KLK5: variants seen among roughly 807,000 people sequenced by gnomAD.
KLK5 encodes the protein kallikrein related peptidase 5.
In KLK5, 18 loss-of-function variants were observed where a neutral mutation model predicts 24.0. The observed-to-expected ratio is 0.75, with a 90% CI of 0.52 to 1.11. KLK5 has a LOEUF of 1.11. Ranked by LOEUF, KLK5 falls within the 50% of genes most tolerant of loss-of-function variation. KLK5 has a pLI of 0.00. For synonymous variants in KLK5, 140 were observed against 154.0 expected (o/e 0.91, Z 0.67); for missense variants, 374 against 379.2 (o/e 0.99, Z 0.11).
At chr19:50,944,718 A>G (rs1241230622) in intron 5 of KLK5, among the ~76,000 whole-genome samples, 1 of 152,202 alleles carries the variant, frequency 6.6e-6, no homozygotes, top group African/African-American at 2.4e-5. Context: ...CACACTTGGC[A>G]TCTATCCATT....
intron 3 of KLK5, 75 bp downstream of exon 3, chr19:50,949,780 C>T (rs199781761): frequency 1.4e-4 from 27 of 188,788 alleles, no homozygotes; most frequent in African/African-American, 7.8e-4. Context: ...CTCCATGACA[C>T]CCCCACCCCC....
At position 50,948,858 on chromosome 19, in the gene KLK5, C is replaced by T; in HGVS notation, c.592+1G>A. 2 of 1,614,088 alleles carry T rather than the reference C, an allele frequency of 1.2e-6. No homozygotes were observed. Among genetic ancestry groups the T allele is most frequent in the South Asian group, 1.1e-5 (1 of 91,072 alleles). On this transcript the variant is annotated splice_donor_variant, in intron 4 of 5. Coordinates refer to ENST00000336334, the MANE Select transcript of KLK5 (RefSeq NM_012427.5). LOFTEE classifies it high-confidence loss of function. The stretch of plus-strand genomic sequence containing the variant: ...GTATCAAGAAGAACCTGGACACTCA[C>T]CTTGGGGGCTCTTGGTTGTCCCCCA...
chr19:50,950,450 G>A, intron 2 of KLK5: 1 of 407,542 alleles, frequency 2.5e-6, no homozygotes, highest in South Asian at 2.6e-5. Context: ...GGGGATGGGA[G>A]GGAGACCAGG....
chr19:50,949,458 T>C (rs2090664539), intron 3 of KLK5, among the ~76,000 whole-genome samples: 1 of 151,178 alleles, frequency 6.6e-6, no homozygotes, highest in Admixed American at 6.6e-5. Flanking sequence ...GCTATCTTCA[T>C]TTCCACCCCA....
chr19:50,949,314 C>T (rs2090663684), intron 3 of KLK5, among the ~76,000 whole-genome samples, 199 bp from the exon 4 acceptor site: 1 of 151,068 alleles, frequency 6.6e-6, no homozygotes, highest in African/African-American at 2.4e-5. Flanking sequence ...ATTCCCAACC[C>T]TAATTCTTTC....
chr19:50,946,869 T>C (rs2090640578), intron 5 of KLK5, among the ~76,000 whole-genome samples: 1 of 152,062 alleles, frequency 6.6e-6, no homozygotes, highest in Non-Finnish European at 1.5e-5. Flanking sequence ...GAGATGTGCT[T>C]TCTTCTGTTA....
chr19:50,950,576 A>G (rs1568529722), intron 2 of KLK5, among the ~76,000 whole-genome samples: 1 of 152,012 alleles, frequency 6.6e-6, no homozygotes, highest in Admixed American at 6.6e-5. Context: ...TCAGGGTTAC[A>G]TGTTAGAGTC....
At chr19:50,950,838 GC>G (rs2123577646) in intron 2 of KLK5, among the ~76,000 whole-genome samples, 1 of 143,934 alleles carries the variant, frequency 6.9e-6, no homozygotes, top group South Asian at 2.3e-4. Context: ...GTTGCAGTGA[GC>G]CGAGATCACG....
Position 50,952,937 on chromosome 19 carries a change from AG to A in KLK5, c.-203del. The A allele has an allele frequency of 3.2e-6, 1 of 312,736 alleles. No homozygotes were observed. Among genetic ancestry groups the A allele is most frequent in the Non-Finnish European group, 5.9e-6 (1 of 170,820 alleles). 19.4% of individuals were successfully genotyped at this position (312,736 alleles called of 1,614,324 possible). A position where few individuals can be genotyped will look rare whatever the true frequency, so the allele number is the denominator to read the frequency against. ...CCCTGCCTGCTGAGCCACCCTCACC[AG>A]GTCTCACTTGCCCTGTCCCCCAGGT... On this transcript the variant is annotated 5_prime_UTR_variant, in exon 1 of 6. Coordinates refer to ENST00000336334, the MANE Select transcript of KLK5 (RefSeq NM_012427.5).
intron 5 of KLK5, among the ~76,000 whole-genome samples, chr19:50,948,298 T>G (rs2090652772): frequency 1.3e-5 from 2 of 151,378 alleles, no homozygotes; most frequent in South Asian, 2.1e-4. Flanking sequence ...ATTTTTGTAT[T>G]TTTTTTTAGA....
intron 3 of KLK5, 136 bp from the exon 4 acceptor site, chr19:50,949,251 G>T (rs1334463234): frequency 2.6e-5 from 19 of 740,660 alleles, no homozygotes; most frequent in South Asian, 2.4e-4. Flanking sequence ...ACTCCCTCTT[G>T]GTCTCCAATC....
chr19:50,948,575 C>T (rs910868544), intron 5 of KLK5, 65 bp downstream of exon 5: 4 of 1,560,954 alleles, frequency 2.6e-6, no homozygotes, highest in Non-Finnish European at 8.8e-7. Context: ...CAGAATTTGG[C>T]AACGCTCCAT....
intron 2 of KLK5, among the ~76,000 whole-genome samples, chr19:50,952,273 A>G (rs1475820498): frequency 6.6e-6 from 1 of 152,098 alleles, no homozygotes; most frequent in Non-Finnish European, 1.5e-5. Context: ...GCATTCACCC[A>G]CACAGCTGTG....
At chr19:50,949,797 C>CCCTCCCCCCCAGCCCT in intron 3 of KLK5, 58 bp downstream of exon 3, 2 of 213,392 alleles carry the variant, frequency 9.4e-6, no homozygotes, top group Admixed American at 8.6e-5. Flanking sequence ...CCCCACTTCC[C>CCCTCCCCCCCAGCCCT]CACCCCCACC....
chr19:50,951,718 A>G (rs2090689304), intron 2 of KLK5, among the ~76,000 whole-genome samples: 1 of 152,188 alleles, frequency 6.6e-6, no homozygotes, highest in South Asian at 2.1e-4. Context: ...GCTAACATAC[A>G]GCTCTGTCTC....
Position 50,949,114 on chromosome 19 carries a change from C to A in KLK5, c.337G>T (p.Val113Phe), listed in dbSNP as rs2090661975. The A allele has an allele frequency of 2.5e-6, 4 of 1,610,988 alleles. No individual in the cohort carries two copies. The African/African-American group carries it at 5.4e-5, about 22-fold the overall frequency. The change falls in exon 4 of 6, where the codon GTT becomes TTT. Residue 113 changes from valine to phenylalanine, a missense_variant and splice_region_variant. Val to Phe is a conservative substitution (Grantham distance 50). Transcript: ENST00000336334. ...LLTAAHCRKK[V>F]FRVRLGHYSL... ...TAGTGGCCGAGACGGACTCTGAAAA[C>A]TCTGAGGAAGATGGGGCAGGTCACC...
At chr19:50,951,365 C>T (rs1028756240) in intron 2 of KLK5, among the ~76,000 whole-genome samples, 1 of 152,046 alleles carries the variant, frequency 6.6e-6, no homozygotes, top group East Asian at 1.9e-4. Flanking sequence ...CTCCACCTCC[C>T]GGGTTCAAGC....
intron 2 of KLK5, 114 bp downstream of exon 2, chr19:50,952,471 C>G (rs895589434): frequency 1.5e-6 from 1 of 647,880 alleles, no homozygotes; most frequent in Non-Finnish European, 2.5e-6. Context: ...CTCACATTCA[C>G]CCGGTCCCGG....
chr19:50,947,394 C>G lies in KLK5; in HGVS notation c.726+1246G>C, dbSNP rs1460622410. Among the ~76,000 whole-genome samples, 1 of 152,150 alleles carries G rather than the reference C, an allele frequency of 6.6e-6. No individual in the cohort carries two copies. The highest frequency in any genetic ancestry group is 1.5e-5 in the Non-Finnish European group (1 of 68,032). On this transcript the variant is annotated intron_variant, in intron 5 of 5. Transcript: ENST00000336334. This position sits in a 1 kb window ranked among gnomAD's most constrained non-coding sequence, Gnocchi z 8.7. The stretch of plus-strand genomic sequence containing the variant: ...TTCCCCTTAAACTTCACGAGTTTAG[C>G]TTCTTTGTGTCATCCATTCTCTGCT...
Sources: allele counts gnomAD v4.1 joint callset (sites outside exome capture counted in the v4.1 genomes callset), GRCh38; gene constraint gnomAD v4.1.1; non-coding constraint Gnocchi (gnomAD v3.1); transcripts MANE v1.5; gene names NCBI Gene and HGNC (gene_info 2026-07-23, HGNC 2026-07-21).